COMMD1: variants seen among roughly 807,000 people sequenced by gnomAD.
The protein encoded by COMMD1 is copper metabolism domain containing 1, also known as COMM domain-containing protein 1.
A neutral mutation model predicts 17.2 loss-of-function variants in COMMD1; 10 were observed. The observed-to-expected ratio is 0.58, with a 90% CI of 0.36 to 0.99. COMMD1 has a LOEUF of 0.99. COMMD1 is among the 50% of genes least tolerant of loss of function. The pLI, the probability that COMMD1 is intolerant of heterozygous loss-of-function variation, is 0.01. For synonymous variants in COMMD1, 97 were observed against 91.6 expected (o/e 1.06, Z -0.34); for missense variants, 270 against 231.8 (o/e 1.17, Z -1.07).
In COMMD1 at chr2:62,000,929, C is replaced by G; in HGVS notation, c.409C>G (p.Gln137Glu). ...CAAGTCTCAGTCAAGGCACTCAGCTCAAATACACACACCTGTTGCCATTAT... is the reference window on the plus strand; with the variant it reads ...CAAGTCTCAGTCAAGGCACTCAGCTGAAATACACACACCTGTTGCCATTAT... ...DGKSQSRHSAQIHTPVAIIEL... is the reference protein window; with the variant it reads ...DGKSQSRHSAEIHTPVAIIEL... Residue 137 changes from glutamine (Q) to glutamate (E), a missense_variant, in exon 2 of 3, where the codon CAA becomes GAA. Transcript: ENST00000311832. The G allele has an allele frequency of 6.2e-7, 1 of 1,614,102 alleles. No homozygotes were observed. Among genetic ancestry groups the G allele is most frequent in the Non-Finnish European group, 8.5e-7 (1 of 1,180,028 alleles).
intron 1 of COMMD1, among the ~76,000 whole-genome samples, chr2:61,940,582 A>AATGTCAG (rs1250485109): frequency 6.6e-6 from 1 of 152,198 alleles, no homozygotes. Context: ...TGCCCCAGAA[A>AATGTCAG]ATGTCAGCTT....
At chr2:62,056,477 G>A (rs1246446853) in intron 2 of COMMD1, among the ~76,000 whole-genome samples, 1 of 152,214 alleles carries the variant, frequency 6.6e-6, no homozygotes, top group African/African-American at 2.4e-5. Flanking sequence ...ACTTGCTTGT[G>A]TGACATATTC....
intron 1 of COMMD1, among the ~76,000 whole-genome samples, chr2:61,995,088 T>A (rs1290614555): frequency 1.2e-5 from 1 of 82,420 alleles, no homozygotes; most frequent in African/African-American, 5.3e-5. Flanking sequence ...GTTATCAGAT[T>A]CAGCTTAAAA....
intron 1 of COMMD1, among the ~76,000 whole-genome samples, chr2:61,906,200 C>T (rs932259207): frequency 6.6e-6 from 1 of 152,192 alleles, no homozygotes; most frequent in African/African-American, 2.4e-5. Context: ...TTTTAGGTCG[C>T]TAGCTTTCCC....
At chr2:62,051,163 T>C (rs1289045981) in intron 2 of COMMD1, among the ~76,000 whole-genome samples, 1 of 152,108 alleles carries the variant, frequency 6.6e-6, no homozygotes, top group Non-Finnish European at 1.5e-5. Flanking sequence ...TTTAATTATA[T>C]TTTATTTATT....
At chr2:62,115,917 A>G (rs1248044735) in intron 2 of COMMD1, among the ~76,000 whole-genome samples, 1 of 129,768 alleles carries the variant, frequency 7.7e-6, no homozygotes, top group Non-Finnish European at 1.5e-5. Flanking sequence ...GGAGTGCATG[A>G]TCTTGGCTCA....
upstream of COMMD1, among the ~76,000 whole-genome samples, chr2:61,902,550 C>T (rs1181300865): frequency 5.3e-5 from 8 of 151,546 alleles, no homozygotes; most frequent in Non-Finnish European, 1.2e-4. Flanking sequence ...ACAGAAACCC[C>T]TATAGAAAAT....
At chr2:61,957,786 C>A (rs893927612) in intron 1 of COMMD1, among the ~76,000 whole-genome samples, 4 of 152,038 alleles carry the variant, frequency 2.6e-5, no homozygotes, top group African/African-American at 9.7e-5. Context: ...TCTAATAAAC[C>A]AAACTCTTTT....
chr2:62,026,419 T>A (rs1669759286), intron 2 of COMMD1, among the ~76,000 whole-genome samples: 1 of 152,150 alleles, frequency 6.6e-6, no homozygotes, highest in Admixed American at 6.5e-5. Context: ...CCAGATCTCT[T>A]GAGAATTCAC....
At chr2:62,064,663 T>C (rs982282251) in intron 2 of COMMD1, among the ~76,000 whole-genome samples, 1 of 152,238 alleles carries the variant, frequency 6.6e-6, no homozygotes, top group African/African-American at 2.4e-5. Context: ...TATTGTCTTC[T>C]GTCTTGTGTA....
intron 2 of COMMD1, among the ~76,000 whole-genome samples, chr2:62,031,295 A>G (rs903055004): frequency 2.0e-5 from 3 of 152,214 alleles, no homozygotes; most frequent in African/African-American, 4.8e-5. Context: ...AAATGATACT[A>G]TGTTTATTGA....
rs916014424 is a variant in COMMD1, at chr2:61,988,046, C to T, written c.181-12655C>T. ...GGTGAATGCTTCCAAATCTGCAACT[C>T]ACCCTTCCTGGCATTGGGCTCCTTT... is the stretch of plus-strand genomic sequence containing the variant. On this transcript the variant is annotated intron_variant, in intron 1 of 2. Coordinates refer to ENST00000311832, the MANE Select transcript of COMMD1 (RefSeq NM_152516.4). Among the ~76,000 whole-genome samples the T allele has an allele frequency of 3.4e-4, 51 of 152,158 alleles. 1 individual carries two copies. Among genetic ancestry groups the T allele is most frequent in the Admixed American group, 3.3e-3 (50 of 15,278 alleles).
chr2:62,114,667 G>C (rs4672477), intron 2 of COMMD1, among the ~76,000 whole-genome samples: 1 of 152,158 alleles, frequency 6.6e-6, no homozygotes, highest in Non-Finnish European at 1.5e-5. Context: ...GGCTGCTCCA[G>C]ACTGGAGTCT....
chr2:61,935,654 T>C (rs1308726606), intron 1 of COMMD1, among the ~76,000 whole-genome samples: 1 of 152,014 alleles, frequency 6.6e-6, no homozygotes, highest in East Asian at 1.9e-4. Flanking sequence ...GTAAAATTTC[T>C]CTGTACAGTC....
At chr2:62,083,488 G>T (rs769422216) in intron 2 of COMMD1, among the ~76,000 whole-genome samples, 2 of 152,206 alleles carry the variant, frequency 1.3e-5, no homozygotes. Context: ...TTCTGATCTA[G>T]AATAGTCCTG....
intron 2 of COMMD1, among the ~76,000 whole-genome samples, chr2:62,055,091 C>G (rs552818788): frequency 4.1e-4 from 63 of 152,232 alleles, no homozygotes; most frequent in African/African-American, 1.5e-3. Context: ...ATATCAAAAC[C>G]CTATCAGTGA....
At chr2:61,958,405 T>A (rs1671250736) in intron 1 of COMMD1, among the ~76,000 whole-genome samples, 1 of 152,248 alleles carries the variant, frequency 6.6e-6, no homozygotes, top group Non-Finnish European at 1.5e-5. Context: ...TAGCTGGGAT[T>A]ACAGGCATGT....
At chr2:62,046,523 A>G (rs1318979781) in intron 2 of COMMD1, among the ~76,000 whole-genome samples, 1 of 152,252 alleles carries the variant, frequency 6.6e-6, no homozygotes, top group Non-Finnish European at 1.5e-5. Flanking sequence ...CATGGTGTTC[A>G]TTATATACTA....
intron 1 of COMMD1, among the ~76,000 whole-genome samples, chr2:61,970,526 C>G (rs1178864155): frequency 1.3e-5 from 2 of 151,910 alleles, no homozygotes; most frequent in Non-Finnish European, 2.9e-5. Context: ...TACATAAGTA[C>G]TTGTTATACT....
Sources: allele counts gnomAD v4.1 joint callset (sites outside exome capture counted in the v4.1 genomes callset), GRCh38; gene constraint gnomAD v4.1.1; transcripts MANE v1.5; gene names NCBI Gene and HGNC (gene_info 2026-07-23, HGNC 2026-07-21).